Variants in FANCI observed in about 807,000 individuals in gnomAD.
FANCI encodes Fanconi anemia group I protein.
Under a neutral mutation model 176.1 loss-of-function variants are expected in FANCI, and 156 were observed. The ratio of observed to expected loss-of-function variants is 0.89; its 90% CI spans 0.78 to 1.01. The LOEUF is 1.01. FANCI is among the 50% of genes least tolerant of loss of function. The probability of loss-of-function intolerance (pLI) is 0.00; values close to 1 mark genes in which losing one functional copy is unlikely to be tolerated. For synonymous variants in FANCI, 613 were observed against 541.7 expected (o/e 1.13, Z -1.83); for missense variants, 1,678 against 1,534.1 (o/e 1.09, Z -1.57).
chr15:89,250,843 C>T (rs1008743321), intron 2 of FANCI, among the ~76,000 whole-genome samples: 6 of 150,758 alleles, frequency 4.0e-5, no homozygotes, highest in African/African-American at 7.3e-5. Flanking sequence ...ATGTTAAAAA[C>T]AAGTGTTTAA....
At chr15:89,285,734 T>C in intron 18 of FANCI, among the ~76,000 whole-genome samples, 1 of 151,840 alleles carries the variant, frequency 6.6e-6, no homozygotes, top group East Asian at 1.9e-4. Flanking sequence ...ACTAAGTCCT[T>C]TTTTTTGCTT....
At chr15:89,307,231 G>A (rs1567175362) in intron 32 of FANCI, among the ~76,000 whole-genome samples, 1 of 152,156 alleles carries the variant, frequency 6.6e-6, no homozygotes, top group African/African-American at 2.4e-5. Context: ...TTACATGCAG[G>A]GACTACCAGC....
chr15:89,246,954 G>A (rs2052011884), intron 1 of FANCI, among the ~76,000 whole-genome samples: 1 of 151,252 alleles, frequency 6.6e-6, no homozygotes, highest in Non-Finnish European at 1.5e-5. Flanking sequence ...ATTTTTGGTA[G>A]AGACGGGGGT....
At chr15:89,294,879 C>T in intron 23 of FANCI, 36 bp from the exon 24 acceptor site, 1 of 1,544,278 alleles carries the variant, frequency 6.5e-7, no homozygotes, top group Non-Finnish European at 8.7e-7. Flanking sequence ...GTAAGGGAAT[C>T]TTCCTTTTTC....
At chr15:89,255,501 G>A (rs560203701) in intron 2 of FANCI, among the ~76,000 whole-genome samples, 3 of 152,100 alleles carry the variant, frequency 2.0e-5, no homozygotes, top group Admixed American at 6.5e-5. Context: ...TATAAAGTGG[G>A]ATCAGAATAT....
Position 89,316,857 on chromosome 15 carries a change from C to A in FANCI, c.*398C>A, listed in dbSNP as rs1410697041. The A allele has an allele frequency of 1.3e-6, 2 of 1,513,418 alleles. No homozygotes were observed. Among genetic ancestry groups the A allele is most frequent in the Non-Finnish European group, 1.8e-6 (2 of 1,088,236 alleles). The allele number at this position is 1,513,418 out of a possible 1,614,324, so 93.7% of individuals were successfully genotyped here. A position where few individuals can be genotyped will look rare whatever the true frequency, so the allele number is the denominator to read the frequency against. On this transcript the variant is annotated 3_prime_UTR_variant, in exon 38 of 38. Coordinates refer to ENST00000310775, the MANE Select transcript of FANCI (RefSeq NM_001113378.2). ...AAGATAGTGCAAATTGGTTAGGATG[C>A]CACCTCAAGAACTGTAACTGAGAGC...
At chr15:89,249,451 G>A (rs537055806) in intron 2 of FANCI, among the ~76,000 whole-genome samples, 19 of 152,272 alleles carry the variant, frequency 1.2e-4, no homozygotes, top group Non-Finnish European at 2.5e-4. Flanking sequence ...GGGCTCATGC[G>A]ATCCTCCCAC....
rs747318324 is a variant in FANCI at position 89,306,239 on chromosome 15, G to GT, written c.3537+46dup. 44 of 1,596,232 alleles carry GT rather than the reference G, an allele frequency of 2.8e-5. No individual in the cohort carries two copies. In the African/African-American group the frequency reaches 5.8e-4, roughly 21 times the overall value. On this transcript the variant is annotated intron_variant, in intron 32 of 37. Coordinates refer to ENST00000310775, the MANE Select transcript of FANCI (RefSeq NM_001113378.2). ...AGATTCGCCCCACCATTCTACCCCA[G>GT]TGAGCCAGGAGATGAGGATGGGGCA...
At chr15:89,312,869 A>G in intron 34 of FANCI, 35 bp from the exon 35 acceptor site, 1 of 1,566,526 alleles carries the variant, frequency 6.4e-7, no homozygotes, top group Non-Finnish European at 8.8e-7. Context: ...CAGAAAAATC[A>G]TCAGGAATAA....
intron 7 of FANCI, 120 bp from the exon 8 acceptor site, chr15:89,263,783 C>A: frequency 8.2e-7 from 1 of 1,213,268 alleles, no homozygotes; most frequent in East Asian, 2.5e-5. Flanking sequence ...TCTCTGCTCC[C>A]AAGTTTCATT....
Position 89,305,364 on chromosome 15 carries a change from C to A in FANCI, c.3210C>A (p.Asn1070Lys), listed in dbSNP as rs1331419585. The change falls in exon 30 of 38, where the codon AAC (asparagine) becomes AAA (lysine). Residue 1070 changes from asparagine to lysine, a missense_variant. Asn to Lys is a moderately conservative substitution (Grantham distance 94). Transcript: ENST00000310775. Reference protein sequence around the residue: ...IDQDVEVEKTNHFAIVNLRTA... With the variant: ...IDQDVEVEKTKHFAIVNLRTA... ...AGGATGTAGAGGTGGAGAAAACAAA[C>A]CACTTTGCAATAGTGAATTTGAGAA... is the stretch of plus-strand genomic sequence containing the variant. 1 of 1,614,144 alleles carries A rather than the reference C, an allele frequency of 6.2e-7. No individual in the cohort carries two copies. Among genetic ancestry groups the A allele is most frequent in the South Asian group, 1.1e-5 (1 of 91,084 alleles).
chr15:89,301,201 C>G lies in FANCI; in HGVS notation c.2890-125C>G, dbSNP rs1392633443. The G allele has an allele frequency of 6.4e-6, 5 of 776,014 alleles. No homozygotes were observed. In the East Asian group the frequency reaches 7.4e-5, roughly 11 times the overall value. The allele number at this position is 776,014 out of a possible 1,614,324, so 48.1% of individuals were successfully genotyped here. ...CAGGTGTATTTTCAGATTTTATCCT[C>G]TTAGAATTTTGGTAGCTTTGAATTC... On this transcript the variant is annotated intron_variant, in intron 26 of 37. Transcript: ENST00000310775.
intron 9 of FANCI, among the ~76,000 whole-genome samples, chr15:89,266,702 A>G (rs2052977736): frequency 6.6e-6 from 1 of 150,580 alleles, no homozygotes; most frequent in African/African-American, 2.4e-5. Context: ...TTGAACTCCT[A>G]GCTTCAGGCG....
intron 24 of FANCI, among the ~76,000 whole-genome samples, chr15:89,296,296 T>G (rs1433529122): frequency 2.0e-5 from 3 of 150,026 alleles, no homozygotes; most frequent in Non-Finnish European, 4.4e-5. Context: ...TCTGTAGAGA[T>G]AGGATTTCAC....
rs759136380 is a variant in FANCI, at chr15:89,291,612, G to A, written c.1891-1G>A. Reference sequence around the variant, plus strand: ...TGTCTTTTTTTTCTTACTATACACAGTTAAAACAGTTCTATGAGCCAAAAC... The same window carrying A: ...TGTCTTTTTTTTCTTACTATACACAATTAAAACAGTTCTATGAGCCAAAAC... On this transcript the variant is annotated splice_acceptor_variant, in intron 19 of 37. Coordinates refer to ENST00000310775, the MANE Select transcript of FANCI (RefSeq NM_001113378.2). LOFTEE classifies it high-confidence loss of function. The A allele has an allele frequency of 6.2e-7, 1 of 1,612,854 alleles. No homozygotes were observed. The highest frequency in any genetic ancestry group is 8.5e-7 in the Non-Finnish European group (1 of 1,179,068).
At position 89,316,383 on chromosome 15, in the gene FANCI, C is replaced by T. The variant is rs148365638; in HGVS notation, c.3925-14C>T. 1.9e-6 allele frequency: 3 copies of T among 1,606,520 alleles called. No homozygotes were observed. Among genetic ancestry groups the T allele is most frequent in the African/African-American group, 2.7e-5 (2 of 74,696 alleles). On this transcript the variant is annotated splice_polypyrimidine_tract_variant and intron_variant, in intron 37 of 37. Coordinates refer to ENST00000310775, the MANE Select transcript of FANCI (RefSeq NM_001113378.2). Reference sequence around the variant, plus strand: ...GGTTTATCACGTTAGAGCATTAATTCTTTCCCCTTCTAGGGCACTGCATCA... The same window carrying T: ...GGTTTATCACGTTAGAGCATTAATTTTTTCCCCTTCTAGGGCACTGCATCA...
intron 1 of FANCI, among the ~76,000 whole-genome samples, chr15:89,246,381 A>C (rs1236465502): frequency 6.6e-6 from 1 of 152,204 alleles, no homozygotes; most frequent in African/African-American, 2.4e-5. Flanking sequence ...TGTTTCCTCA[A>C]ACACTTGCAA....
At chr15:89,304,538 G>A (rs11635813) in intron 28 of FANCI, among the ~76,000 whole-genome samples, 23 of 152,212 alleles carry the variant, frequency 1.5e-4, no homozygotes, top group Non-Finnish European at 2.1e-4. Context: ...TAGAATACTC[G>A]TAATGTACTT....
At chr15:89,306,268 GC>G in intron 32 of FANCI, 74 bp downstream of exon 32, 1 of 1,428,774 alleles carries the variant, frequency 7.0e-7, no homozygotes, top group Non-Finnish European at 9.8e-7. Flanking sequence ...TGGGGCAGCA[GC>G]CCACTGCTGC....
Sources: allele counts gnomAD v4.1 joint callset (sites outside exome capture counted in the v4.1 genomes callset), GRCh38; gene constraint gnomAD v4.1.1; transcripts MANE v1.5; gene names NCBI Gene and HGNC (gene_info 2026-07-23, HGNC 2026-07-21).